Variants in SV2C observed in about 807,000 individuals in gnomAD.
SV2C encodes the protein synaptic vesicle glycoprotein 2C.
SV2C carries 49 observed loss-of-function variants against 79.7 expected under a neutral mutation model. That is an observed-to-expected ratio of 0.61 (90% confidence interval 0.49 to 0.78). The LOEUF (loss-of-function observed/expected upper bound fraction) is 0.78, where lower values mean the gene tolerates loss of function less well. SV2C is among the 30% of genes least tolerant of loss of function. The pLI is 0.00. For missense variants in SV2C, 833 were observed against 912.9 expected, an observed-to-expected ratio of 0.91 and a Z score of 1.13; for synonymous variants, 334 against 333.2, an observed-to-expected ratio of 1.00 and a Z score of -0.03.
intron 2 of SV2C, among the ~76,000 whole-genome samples, chr5:76,147,480 C>A (rs1481405913): frequency 6.6e-6 from 1 of 152,198 alleles, no homozygotes; most frequent in Non-Finnish European, 1.5e-5. Context: ...CCAGCTGTTC[C>A]TGTAGCTTTC....
At chr5:76,318,542 T>G (rs1342442982) in intron 12 of SV2C, among the ~76,000 whole-genome samples, 1 of 152,042 alleles carries the variant, frequency 6.6e-6, no homozygotes, top group East Asian at 1.9e-4. Flanking sequence ...CCCCACCAGG[T>G]GAGTCTAAGT....
At chr5:76,033,188 T>G in the SV2C span, among the ~76,000 whole-genome samples, 42 of 152,084 alleles carry the variant, frequency 2.8e-4, no homozygotes, top group Non-Finnish European at 5.7e-4. Flanking sequence ...GTTCTCCCAT[T>G]TTGTAGGTTG....
At chr5:76,145,770 CT>C (rs2112217907) in intron 2 of SV2C, among the ~76,000 whole-genome samples, 1 of 152,284 alleles carries the variant, frequency 6.6e-6, no homozygotes, top group African/African-American at 2.4e-5. Context: ...CAAGTGGCCC[CT>C]CCTCTCCTCC....
chr5:76,147,452 C>T (rs543599372), intron 2 of SV2C, among the ~76,000 whole-genome samples: 32 of 150,988 alleles, frequency 2.1e-4, no homozygotes, highest in African/African-American at 6.3e-4. Flanking sequence ...CATATGTGGT[C>T]CCAATTCTGT....
the SV2C span, among the ~76,000 whole-genome samples, chr5:75,873,409 T>C: frequency 2.0e-5 from 3 of 152,272 alleles, no homozygotes; most frequent in African/African-American, 7.2e-5. Flanking sequence ...ATTGGCAAAG[T>C]TTAGAAATAA....
the SV2C span, among the ~76,000 whole-genome samples, chr5:75,943,148 TAAC>T: frequency 6.6e-6 from 1 of 152,160 alleles, no homozygotes. Context: ...AAGTGAAAGA[TAAC>T]AAAGAGTGGG....
the SV2C span, among the ~76,000 whole-genome samples, chr5:75,882,081 T>C: frequency 1.3e-5 from 2 of 150,488 alleles, no homozygotes; most frequent in South Asian, 4.2e-4. Context: ...ATTGGTTCTG[T>C]TTATATGCTG....
At chr5:76,320,305 T>C (rs1283203680) in intron 12 of SV2C, among the ~76,000 whole-genome samples, 1 of 152,076 alleles carries the variant, frequency 6.6e-6, no homozygotes, top group Non-Finnish European at 1.5e-5. Flanking sequence ...GAGGAATGAA[T>C]AGATGGAGCA....
the SV2C span, among the ~76,000 whole-genome samples, chr5:75,879,005 AAG>A: frequency 1.3e-5 from 2 of 152,146 alleles, no homozygotes; most frequent in African/African-American, 4.8e-5. Context: ...GGGAGCAAGA[AAG>A]AGTGATGGTG....
At chr5:76,202,015 CAAAA>C (rs373279209) in intron 3 of SV2C, among the ~76,000 whole-genome samples, 4 of 82,140 alleles carry the variant, frequency 4.9e-5, no homozygotes, top group African/African-American at 9.6e-5. Context: ...GACTCCATCT[CAAAA>C]AAAAAAAAAA....
chr5:76,030,969 C>T, the SV2C span, among the ~76,000 whole-genome samples: 2 of 151,870 alleles, frequency 1.3e-5, no homozygotes, highest in African/African-American at 2.4e-5. Context: ...TTTCTGTTCT[C>T]GAAATCAACT....
At chr5:76,250,172 A>G (rs1746069796) in intron 4 of SV2C, among the ~76,000 whole-genome samples, 1 of 151,908 alleles carries the variant, frequency 6.6e-6, no homozygotes, top group Admixed American at 6.6e-5. Flanking sequence ...TCTCCATGTC[A>G]TTCTGGCTGT....
rs188730765 is a variant in SV2C, at chr5:76,300,787, C to A, written c.1695C>A (p.Asn565Lys). The change falls in exon 11 of 13, where the codon AAC becomes AAA. Residue 565 changes from asparagine to lysine, a missense_variant. Asn to Lys is a moderately conservative substitution (Grantham distance 94, BLOSUM62 0). Transcript: ENST00000502798. The stretch of plus-strand genomic sequence containing the variant: ...TTAAAAACTGCTCGTTTTTTCACAA[C>A]AAGACGGGATGTCAGATTACCTTTG... ...SEFKNCSFFH[N>K]KTGCQITFDD... is the part of the protein sequence containing the mutation. The A allele has an allele frequency of 1.6e-3, 2,525 of 1,614,146 alleles. 2 individuals carry two copies. Among genetic ancestry groups the A allele is most frequent in the Non-Finnish European group, 1.9e-3 (2,300 of 1,179,990 alleles).
At chr5:76,013,108 T>G in the SV2C span, among the ~76,000 whole-genome samples, 3 of 152,342 alleles carry the variant, frequency 2.0e-5, no homozygotes, top group South Asian at 6.2e-4. Flanking sequence ...TGGTTCCATA[T>G]GAAATGTAAC....
intron 2 of SV2C, among the ~76,000 whole-genome samples, chr5:76,186,690 T>A (rs867378370): frequency 6.6e-6 from 1 of 151,864 alleles, no homozygotes; most frequent in East Asian, 1.9e-4. Context: ...AGACCTTATC[T>A]CAAACAAACA....
At chr5:76,280,843 CGAATTCAGTTTTTCTG>C in intron 4 of SV2C, 1 of 402,454 alleles carries the variant, frequency 2.5e-6, no homozygotes, top group Admixed American at 2.8e-5. Context: ...GCAGCCAGGC[CGAATTCAGTTTTTCTG>C]GAATTCAGTT....
chr5:76,240,715 T>C (rs1448765255), intron 4 of SV2C, among the ~76,000 whole-genome samples: 9 of 152,142 alleles, frequency 5.9e-5, no homozygotes, highest in South Asian at 2.1e-4. Context: ...ACCTCTCAAG[T>C]AAACCACCTG....
At chr5:76,244,613 A>G (rs1745891209) in intron 4 of SV2C, among the ~76,000 whole-genome samples, 1 of 152,240 alleles carries the variant, frequency 6.6e-6, no homozygotes, top group African/African-American at 2.4e-5. Flanking sequence ...TATGTAGTTT[A>G]CATTTACAAT....
chr5:76,321,338 C>T (rs1169322860), intron 12 of SV2C, among the ~76,000 whole-genome samples: 3 of 151,778 alleles, frequency 2.0e-5, no homozygotes, highest in African/African-American at 7.3e-5. Flanking sequence ...GCCCTGTATT[C>T]GATGTGCCTT....
Sources: allele counts gnomAD v4.1 joint callset (sites outside exome capture counted in the v4.1 genomes callset), GRCh38; gene constraint gnomAD v4.1.1; transcripts MANE v1.5; gene names NCBI Gene and HGNC (gene_info 2026-07-23, HGNC 2026-07-21).